Variants in PIK3C3 observed in about 807,000 individuals in gnomAD.
PIK3C3 encodes the protein phosphatidylinositol 3-kinase catalytic subunit type 3.
PIK3C3 carries 95 observed loss-of-function variants against 126.1 expected under a neutral mutation model. The ratio of observed to expected loss-of-function variants is 0.75; its 90% confidence interval spans 0.64 to 0.89. The LOEUF (loss-of-function observed/expected upper bound fraction) is 0.89. PIK3C3 is among the 40% of genes least tolerant of loss of function. The probability of loss-of-function intolerance (pLI) is 0.00; values close to 1 mark genes in which losing one functional copy is unlikely to be tolerated. For missense variants in PIK3C3, 829 were observed against 1,063.2 expected, an observed-to-expected ratio of 0.78 and a Z score of 3.06; for synonymous variants, 374 against 360.0, an observed-to-expected ratio of 1.04 and a Z score of -0.44.
intron 24 of PIK3C3, among the ~76,000 whole-genome samples, chr18:42,068,848 G>T (rs1438159380): frequency 6.6e-6 from 1 of 151,624 alleles, no homozygotes; most frequent in East Asian, 1.9e-4. Context: ...TACTCAGGAG[G>T]CTGAGGCAGG....
At chr18:42,030,431 T>A (rs920727475) in intron 15 of PIK3C3, among the ~76,000 whole-genome samples, 4 of 152,226 alleles carry the variant, frequency 2.6e-5, no homozygotes, top group African/African-American at 9.6e-5. Flanking sequence ...CAGGCCTTTC[T>A]TGGTGACCTT....
chr18:42,000,544 T>G (rs2144373929), intron 9 of PIK3C3, among the ~76,000 whole-genome samples: 1 of 152,214 alleles, frequency 6.6e-6, no homozygotes. Flanking sequence ...ACCTGATGGA[T>G]TTATATACGT....
chr18:41,968,672 TATACAC>T (rs1484220286), intron 3 of PIK3C3, among the ~76,000 whole-genome samples: 2 of 152,212 alleles, frequency 1.3e-5, no homozygotes, highest in African/African-American at 4.8e-5. Flanking sequence ...CATCATTACT[TATACAC>T]ATTATATAAT....
At chr18:41,977,008 G>C (rs1037680815) in intron 4 of PIK3C3, among the ~76,000 whole-genome samples, 6 of 152,190 alleles carry the variant, frequency 3.9e-5, no homozygotes, top group African/African-American at 1.4e-4. Context: ...TTTGCATGAA[G>C]AATGTATTGT....
rs74410251 is a variant in PIK3C3 at position 42,063,079 on chromosome 18, C to T, written c.2433-1661C>T. Among the ~76,000 whole-genome samples, 6 of 152,144 alleles carry T rather than the reference C, an allele frequency of 3.9e-5. No homozygotes were observed. In the East Asian group the frequency reaches 9.6e-4, roughly 24 times the overall value. On this transcript the variant is annotated intron_variant, in intron 22 of 24. Coordinates refer to ENST00000262039, the MANE Select transcript of PIK3C3 (RefSeq NM_002647.4). ...GTGAACTGTTAAAAATGCCTATCAA[C>T]GTGTGTTACTCCACTCCTTAAACTT... is the stretch of plus-strand genomic sequence containing the variant.
chr18:42,009,952 T>C (rs981715857), intron 10 of PIK3C3, among the ~76,000 whole-genome samples: 6 of 152,198 alleles, frequency 3.9e-5, no homozygotes, highest in African/African-American at 1.2e-4. Context: ...GGGTTACCTG[T>C]GGCAGTTTCC....
At chr18:42,007,332 G>A (rs1282224541) in intron 10 of PIK3C3, among the ~76,000 whole-genome samples, 2 of 151,902 alleles carry the variant, frequency 1.3e-5, no homozygotes, top group Non-Finnish European at 2.9e-5. Flanking sequence ...ACTAGACAAA[G>A]CTTTTCTTCT....
intron 10 of PIK3C3, among the ~76,000 whole-genome samples, chr18:42,007,819 A>G (rs183135565): frequency 6.6e-6 from 1 of 152,330 alleles, no homozygotes; most frequent in Non-Finnish European, 1.5e-5. Context: ...AAAAGCTGCA[A>G]GTAATAATGG....
chr18:42,060,620 T>TA (rs1985273248), intron 22 of PIK3C3, among the ~76,000 whole-genome samples: 1 of 151,406 alleles, frequency 6.6e-6, no homozygotes, highest in Non-Finnish European at 1.5e-5. Flanking sequence ...AAAAAGAAAA[T>TA]ACAAAAATTA....
chr18:41,992,773 A>G lies in PIK3C3; in HGVS notation c.715-497A>G, dbSNP rs187521011. Among the ~76,000 whole-genome samples, 337 of 152,192 alleles carry G rather than the reference A, an allele frequency of 2.2e-3. 1 individual carries two copies. The highest frequency in any genetic ancestry group is 7.5e-3 in the African/African-American group (311 of 41,552). ...TTGTTGATTCTCTAGCTGTGTGTAA[A>G]TTTGAGTAATATTAACCCTACACTT... On this transcript the variant is annotated intron_variant, in intron 6 of 24. Coordinates refer to ENST00000262039, the MANE Select transcript of PIK3C3 (RefSeq NM_002647.4).
chr18:42,078,240 G>A (rs1429870810), intron 24 of PIK3C3, among the ~76,000 whole-genome samples: 2 of 151,590 alleles, frequency 1.3e-5, no homozygotes, highest in African/African-American at 2.4e-5. Context: ...AGCCGGGTGC[G>A]GTGGCGGGCG....
intron 24 of PIK3C3, among the ~76,000 whole-genome samples, chr18:42,076,952 T>C (rs1047090113): frequency 1.4e-4 from 22 of 152,382 alleles, no homozygotes; most frequent in Admixed American, 6.5e-5. Flanking sequence ...CTCTGCTATA[T>C]GTTTTTTATT....
At chr18:42,076,126 ATATATATATATATATATGCG>A (rs1985989405) in intron 24 of PIK3C3, among the ~76,000 whole-genome samples, 11 of 51,910 alleles carry the variant, frequency 2.1e-4, no homozygotes, top group Admixed American at 1.6e-3. Context: ...ATATATGCGC[ATATATATATATATATATGCG>A]CATATATATA....
intron 14 of PIK3C3, 40 bp from the exon 15 acceptor site, chr18:42,029,285 G>T: frequency 8.5e-7 from 1 of 1,176,334 alleles, no homozygotes; most frequent in Non-Finnish European, 1.3e-6. Flanking sequence ...AGATCATTAC[G>T]CAACATAGAA....
At chr18:42,000,252 A>G (rs574048674) in intron 9 of PIK3C3, among the ~76,000 whole-genome samples, 9 of 152,184 alleles carry the variant, frequency 5.9e-5, no homozygotes, top group African/African-American at 2.2e-4. Context: ...GGGTTTCACC[A>G]TGTTGGTCAG....
At chr18:42,053,415 G>A (rs1012219676) in intron 21 of PIK3C3, among the ~76,000 whole-genome samples, 9 of 152,118 alleles carry the variant, frequency 5.9e-5, no homozygotes, top group African/African-American at 2.2e-4. Flanking sequence ...AAAGTGTAGC[G>A]ATTGTATTGT....
chr18:42,058,715 A>G (rs111976694), intron 22 of PIK3C3, among the ~76,000 whole-genome samples: 1 of 152,242 alleles, frequency 6.6e-6, no homozygotes, highest in Non-Finnish European at 1.5e-5. Flanking sequence ...TTGCTAATTT[A>G]CTTAGGACTG....
At chr18:41,983,417 C>T (rs2144338030) in intron 4 of PIK3C3, among the ~76,000 whole-genome samples, 1 of 152,134 alleles carries the variant, frequency 6.6e-6, no homozygotes, top group East Asian at 1.9e-4. Flanking sequence ...TCCCCTGAAG[C>T]CCCAAAGCTC....
intron 4 of PIK3C3, among the ~76,000 whole-genome samples, chr18:41,985,652 T>C (rs1050354095): frequency 6.6e-5 from 10 of 152,164 alleles, no homozygotes; most frequent in Admixed American, 5.2e-4. Context: ...ATTGCAAATA[T>C]GGTGCACAAA....
Sources: gnomAD v4.1 joint callset for allele counts (sites outside exome capture counted in the v4.1 genomes callset) on GRCh38, gnomAD v4.1.1 for gene constraint, MANE v1.5 for transcripts, NCBI Gene and HGNC (gene_info 2026-07-23, HGNC 2026-07-21) for gene names.